TENM1: variants seen among roughly 807,000 people sequenced by gnomAD.
TENM1 encodes teneurin-1.
A neutral mutation model predicts 174.8 loss-of-function variants in TENM1; 35 were observed. The observed-to-expected ratio is 0.20, with a 90% CI of 0.15 to 0.27. The LOEUF (loss-of-function observed/expected upper bound fraction) is 0.27. Ranked by LOEUF, TENM1 falls within the 10% of genes least tolerant of loss-of-function variation. The probability of loss-of-function intolerance (pLI) is 1.00; values close to 1 mark genes in which losing one functional copy is unlikely to be tolerated. For missense variants in TENM1, 1,633 were observed against 2,130.1 expected (o/e 0.77, Z 4.59); for synonymous variants, 781 against 798.7 (o/e 0.98, Z 0.37).
chrX:124,795,523 T>C (rs2055283800), intron 3 of TENM1, among the ~76,000 whole-genome samples: 1 of 111,772 alleles, frequency 8.9e-6, no homozygotes, highest in South Asian at 3.7e-4. Flanking sequence ...AATATTTTAG[T>C]GGTAAATATG....
chrX:124,645,235 T>C, exon 10 of TENM1: 1 of 1,211,737 alleles, frequency 8.3e-7, no homozygotes. Context: ...ATCAATGCAT[T>C]GTTCTTCCGG....
chrX:124,383,517 T>TA, intron 30 of TENM1, 117 bp downstream of exon 33: 1 of 680,817 alleles, frequency 1.5e-6, no homozygotes. Flanking sequence ...GCACAATAAC[T>TA]TGCGGGCTAA....
chrX:124,796,287 C>A (rs755795801), intron 3 of TENM1, among the ~76,000 whole-genome samples: 2 of 111,713 alleles, frequency 1.8e-5, no homozygotes, highest in Non-Finnish European at 3.8e-5. Context: ...GAATTCATAT[C>A]CCTAACTCCT....
intron 3 of TENM1, among the ~76,000 whole-genome samples, chrX:124,818,826 G>C (rs1287088809): frequency 9.0e-6 from 1 of 111,576 alleles, no homozygotes; most frequent in Non-Finnish European, 1.9e-5. Flanking sequence ...CTCAACCACC[G>C]TAAGACTTCT....
intron 1 of TENM1, among the ~76,000 whole-genome samples, chrX:124,958,941 A>G (rs1288963109): frequency 9.0e-6 from 1 of 111,224 alleles, no homozygotes; most frequent in Non-Finnish European, 1.9e-5. Flanking sequence ...TTACATAACT[A>G]GTAAACTTAA....
At chrX:124,885,818 G>T (rs187738405) in intron 3 of TENM1, among the ~76,000 whole-genome samples, 75 of 111,045 alleles carry the variant, frequency 6.8e-4, no homozygotes, top group African/African-American at 2.4e-3. Context: ...TTTCTCTAAA[G>T]ATATTATTTC....
the TENM1 span, among the ~76,000 whole-genome samples, chrX:124,987,665 C>T: frequency 0.023 from 2,507 of 108,912 alleles, 87 homozygotes; most frequent in African/African-American, 0.08. Context: ...GATGTTGACA[C>T]TATGGATGAC....
chrX:124,681,814 T>C (rs1218945030), intron 5 of TENM1, among the ~76,000 whole-genome samples: 1 of 111,748 alleles, frequency 8.9e-6, no homozygotes, highest in African/African-American at 3.2e-5. Context: ...ATATGTAAAG[T>C]ACCTAGAAAA....
At chrX:125,121,157 T>C in the TENM1 span, among the ~76,000 whole-genome samples, 1 of 111,863 alleles carries the variant, frequency 8.9e-6, no homozygotes, top group Admixed American at 9.6e-5. Context: ...TCAGATTATT[T>C]TAAATCAAGC....
At chrX:124,465,334 G>A (rs1447081872) in intron 22 of TENM1, among the ~76,000 whole-genome samples, 1 of 111,503 alleles carries the variant, frequency 9.0e-6, no homozygotes, top group African/African-American at 3.3e-5. Flanking sequence ...CTGCAGCCTC[G>A]AACTCCTGGG....
intron 14 of TENM1, among the ~76,000 whole-genome samples, chrX:124,550,516 T>C (rs769308505): frequency 1.4e-3 from 151 of 111,506 alleles, no homozygotes; most frequent in Non-Finnish European, 2.4e-3. Flanking sequence ...CATCCCTATA[T>C]TACAAACAAA....
chrX:125,167,460 T>A, the TENM1 span, among the ~76,000 whole-genome samples: 1 of 111,524 alleles, frequency 9.0e-6, no homozygotes, highest in Non-Finnish European at 1.9e-5. Context: ...GGACAAAGGA[T>A]CCACCAAACA....
chrX:124,922,500 G>A (rs1272054567), intron 1 of TENM1, among the ~76,000 whole-genome samples: 2 of 110,394 alleles, frequency 1.8e-5, no homozygotes, highest in African/African-American at 6.6e-5. Flanking sequence ...ATACTTTTAT[G>A]TGAAATATAT....
At chrX:125,119,253 A>G in the TENM1 span, among the ~76,000 whole-genome samples, 1 of 111,940 alleles carries the variant, frequency 8.9e-6, no homozygotes, top group Non-Finnish European at 1.9e-5. Flanking sequence ...TTTATGGGGT[A>G]CAATGTGATG....
At chrX:124,755,182 T>A (rs1406082594) in intron 3 of TENM1, among the ~76,000 whole-genome samples, 1 of 105,043 alleles carries the variant, frequency 9.5e-6, no homozygotes, top group East Asian at 3.0e-4. Flanking sequence ...CTGTATTGGG[T>A]GCATATATAT....
chrX:124,473,871 G>A (rs767010718), intron 22 of TENM1, among the ~76,000 whole-genome samples: 1 of 111,786 alleles, frequency 8.9e-6, no homozygotes, highest in African/African-American at 3.3e-5. Flanking sequence ...GAAATAGTAC[G>A]CTGCTAAGGG....
chrX:124,780,142 T>C (rs1373128550), intron 3 of TENM1, among the ~76,000 whole-genome samples: 3 of 111,787 alleles, frequency 2.7e-5, no homozygotes, highest in Non-Finnish European at 5.6e-5. Flanking sequence ...CATATGAGGC[T>C]AGACAGAAAA....
intron 3 of TENM1, among the ~76,000 whole-genome samples, chrX:124,810,694 A>T (rs1437569972): frequency 3.6e-5 from 4 of 111,778 alleles, no homozygotes; most frequent in Non-Finnish European, 7.5e-5. Flanking sequence ...TAGAAAAAAA[A>T]TTCTAAAATG....
intron 24 of TENM1, among the ~76,000 whole-genome samples, chrX:124,421,204 T>C (rs2060649056): frequency 8.9e-6 from 1 of 112,071 alleles, no homozygotes; most frequent in African/African-American, 3.2e-5. Flanking sequence ...TTTCCAGTCC[T>C]ACTGTGCCTA....
Sources: gnomAD v4.1 joint callset for allele counts (sites outside exome capture counted in the v4.1 genomes callset) on GRCh38, gnomAD v4.1.1 for gene constraint, MANE v1.5 for transcripts, NCBI Gene and HGNC (gene_info 2026-07-23, HGNC 2026-07-21) for gene names.